The following GRIP1 variants were observed in gnomAD, a reference collection of about 807,000 sequenced individuals.
GRIP1 encodes the protein glutamate receptor-interacting protein 1.
In GRIP1, 45 loss-of-function variants were observed where a neutral mutation model predicts 129.9. The ratio of observed to expected loss-of-function variants is 0.35; its 90% CI spans 0.27 to 0.44. The LOEUF (loss-of-function observed/expected upper bound fraction) is 0.44. GRIP1 is among the 20% of genes least tolerant of loss of function. The pLI is 1.00. For synonymous variants in GRIP1, 530 were observed against 520.8 expected (o/e 1.02, Z -0.24); for missense variants, 1,196 against 1,396.8 (o/e 0.86, Z 2.29).
At position 66,707,316 on chromosome 12, in the gene GRIP1, TTTA is replaced by T. The variant is rs1479619428; in HGVS notation, c.-419-76983_-419-76981del. Among the ~76,000 whole-genome samples the T allele has an allele frequency of 4.6e-5, 7 of 152,006 alleles. No homozygotes were observed. The East Asian group carries it at 1.2e-3, about 25-fold the overall frequency. On this transcript the variant is annotated intron_variant, in intron 1 of 4. Transcript: ENST00000538373. ...TTAGATAGTGAGATCTAAGGAATTA[TTTA>T]TTATTACTGCTGATTTACACACTTA... is the stretch of plus-strand genomic sequence containing the variant.
At chr12:66,925,344 T>C (rs12811914) in intron 1 of GRIP1, among the ~76,000 whole-genome samples, 45,560 of 151,960 alleles carry the variant, frequency 0.3, 6,946 homozygotes, top group East Asian at 0.45. Flanking sequence ...GGAGTTAAGC[T>C]GGGCAATTGA....
chr12:66,952,555 C>A (rs1316120860), intron 1 of GRIP1, among the ~76,000 whole-genome samples: 1 of 152,160 alleles, frequency 6.6e-6, no homozygotes, highest in Non-Finnish European at 1.5e-5. Flanking sequence ...AACACCACCA[C>A]CAGAATTTGT....
intron 1 of GRIP1, among the ~76,000 whole-genome samples, chr12:66,696,610 G>A (rs897831998): frequency 5.9e-5 from 9 of 151,358 alleles, no homozygotes; most frequent in Non-Finnish European, 8.8e-5. Context: ...CACAGACCCC[G>A]TCTCTACTAA....
chr12:66,383,195 G>A (rs1038579070), intron 19 of GRIP1, among the ~76,000 whole-genome samples: 1 of 152,036 alleles, frequency 6.6e-6, no homozygotes, highest in Admixed American at 6.5e-5. Flanking sequence ...TACTCTGGAG[G>A]CTGAGGCAGG....
chr12:66,791,264 T>A (rs915005516), intron 1 of GRIP1, among the ~76,000 whole-genome samples: 8 of 152,136 alleles, frequency 5.3e-5, no homozygotes, highest in African/African-American at 1.9e-4. Flanking sequence ...TCAAGTAAAC[T>A]AAGAAGTAGC....
chr12:66,904,452 T>A (rs10878524), intron 1 of GRIP1, among the ~76,000 whole-genome samples: 39,506 of 152,130 alleles, frequency 0.26, 5,546 homozygotes, highest in East Asian at 0.45. Context: ...ATTATGAATT[T>A]AAAAAATGAA....
chr12:66,623,041 C>A (rs2065344298), intron 1 of GRIP1, among the ~76,000 whole-genome samples: 1 of 152,044 alleles, frequency 6.6e-6, no homozygotes, highest in Non-Finnish European at 1.5e-5. Context: ...TTACTATATC[C>A]TCAGTATCTA....
At chr12:66,437,918 C>T (rs1324107978) in intron 13 of GRIP1, among the ~76,000 whole-genome samples, 2 of 152,178 alleles carry the variant, frequency 1.3e-5, no homozygotes, top group African/African-American at 4.8e-5. Flanking sequence ...CCAAGTCAAC[C>T]GACCTAGGTC....
chr12:66,526,423 T>A (rs1404238754), intron 5 of GRIP1, among the ~76,000 whole-genome samples: 1 of 152,070 alleles, frequency 6.6e-6, no homozygotes, highest in African/African-American at 2.4e-5. Flanking sequence ...AAACAAGAAA[T>A]GGGGAAAGGA....
intron 1 of GRIP1, among the ~76,000 whole-genome samples, chr12:66,899,976 A>T (rs1208892878): frequency 6.6e-6 from 1 of 152,130 alleles, no homozygotes; most frequent in African/African-American, 2.4e-5. Context: ...AATAGCTGTG[A>T]ATACATTCTC....
At chr12:66,874,599 G>A (rs2040351973) in intron 1 of GRIP1, among the ~76,000 whole-genome samples, 1 of 152,056 alleles carries the variant, frequency 6.6e-6, no homozygotes, top group African/African-American at 2.4e-5. Flanking sequence ...CATGGAAGAA[G>A]GCGAAGGGAG....
chr12:66,515,552 T>C, intron 7 of GRIP1, 67 bp downstream of exon 7: 4 of 1,395,486 alleles, frequency 2.9e-6, no homozygotes, highest in Admixed American at 1.7e-5. Flanking sequence ...TAATCCAACA[T>C]GGTTTATCAG....
chr12:66,617,964 T>C (rs552166855), intron 1 of GRIP1, among the ~76,000 whole-genome samples: 5 of 152,118 alleles, frequency 3.3e-5, no homozygotes, highest in African/African-American at 1.2e-4. Flanking sequence ...CTTGGCAGTA[T>C]TTATCAACAT....
At chr12:66,865,072 A>T (rs2040179529) in intron 1 of GRIP1, among the ~76,000 whole-genome samples, 1 of 152,166 alleles carries the variant, frequency 6.6e-6, no homozygotes, top group Non-Finnish European at 1.5e-5. Context: ...GTGTTAAATG[A>T]GTAAGAGAAT....
intron 23 of GRIP1, among the ~76,000 whole-genome samples, chr12:66,365,111 TG>T: frequency 6.6e-6 from 1 of 152,294 alleles, no homozygotes; most frequent in Non-Finnish European, 1.5e-5. Flanking sequence ...AATTATTATG[TG>T]ACTATTTAAA....
At chr12:66,501,319 C>A (rs560511019) in intron 7 of GRIP1, among the ~76,000 whole-genome samples, 2 of 152,230 alleles carry the variant, frequency 1.3e-5, no homozygotes, top group African/African-American at 4.8e-5. Context: ...ACAAAGATAG[C>A]TTAAACATGG....
intron 7 of GRIP1, among the ~76,000 whole-genome samples, chr12:66,510,082 TA>T (rs763351544): frequency 9.2e-5 from 14 of 152,210 alleles, no homozygotes; most frequent in Non-Finnish European, 1.3e-4. Flanking sequence ...GTTTTTCCCA[TA>T]TGCATTTTAA....
intron 1 of GRIP1, among the ~76,000 whole-genome samples, chr12:67,036,386 A>G (rs571106575): frequency 6.6e-6 from 1 of 151,970 alleles, no homozygotes; most frequent in East Asian, 1.9e-4. Context: ...GCTGGAGTGC[A>G]ATGAGATCTC....
At chr12:66,564,945 A>C (rs544976564) in intron 2 of GRIP1, among the ~76,000 whole-genome samples, 1 of 152,354 alleles carries the variant, frequency 6.6e-6, no homozygotes, top group East Asian at 1.9e-4. Flanking sequence ...GTGTCTGTTC[A>C]CACCCTTCAC....
Sources: allele counts gnomAD v4.1 joint callset (sites outside exome capture counted in the v4.1 genomes callset), GRCh38; gene constraint gnomAD v4.1.1; transcripts MANE v1.5; gene names NCBI Gene and HGNC (gene_info 2026-07-23, HGNC 2026-07-21).